Variants in ZBTB17 observed in about 807,000 individuals in gnomAD.
ZBTB17 encodes zinc finger and BTB domain containing 17, also known as zinc finger and BTB domain-containing protein 17.
Under a neutral mutation model 85.1 loss-of-function variants are expected in ZBTB17, and 24 were observed. The observed-to-expected ratio is 0.28, with a 90% CI of 0.20 to 0.40. The LOEUF (loss-of-function observed/expected upper bound fraction) is 0.40, where lower values mean the gene tolerates loss of function less well. ZBTB17 is among the 10% of genes least tolerant of loss of function. The pLI is 1.00. For missense variants in ZBTB17, 743 were observed against 1,105.1 expected, an observed-to-expected ratio of 0.67 and a Z score of 4.65; for synonymous variants, 464 against 460.2, an observed-to-expected ratio of 1.01 and a Z score of -0.11.
intron 12 of ZBTB17, 98 bp downstream of exon 12, chr1:15,943,301 C>G: frequency 6.3e-7 from 1 of 1,593,900 alleles, no homozygotes; most frequent in Non-Finnish European, 8.6e-7. Flanking sequence ...GGGGCGTGGG[C>G]AGCAGTCAGC....
At chr1:15,955,561 T>TA (rs1210260673) in intron 2 of ZBTB17, among the ~76,000 whole-genome samples, 3 of 152,200 alleles carry the variant, frequency 2.0e-5, no homozygotes, top group African/African-American at 4.8e-5. Context: ...GTTTGTATTA[T>TA]AAAAAAACAG....
chr1:15,961,563 T>C (rs928785154), intron 2 of ZBTB17, among the ~76,000 whole-genome samples: 10 of 152,240 alleles, frequency 6.6e-5, no homozygotes, highest in African/African-American at 2.2e-4. Context: ...AGTGCTGTCC[T>C]ACAGCAGAGT....
Position 15,952,672 on chromosome 1 carries a change from C to T in ZBTB17, c.-2-4175G>A, listed in dbSNP as rs938517291. Among the ~76,000 whole-genome samples, 2 of 152,332 alleles carry T rather than the reference C, an allele frequency of 1.3e-5. No homozygotes were observed. The highest frequency in any genetic ancestry group is 2.1e-4 in the South Asian group (1 of 4,822). ...CTGTGGCTCCTGGGAATCCAGTCAC[C>T]GAGCTGGAGGAAAGTCCAAGCTCCC... is the stretch of plus-strand genomic sequence containing the variant. On this transcript the variant is annotated intron_variant, in intron 2 of 15. Coordinates refer to ENST00000375743, the MANE Select transcript of ZBTB17 (RefSeq NM_003443.3). The surrounding 1 kb of genome is among the most constrained non-coding windows in gnomAD (Gnocchi z 4.3).
intron 2 of ZBTB17, among the ~76,000 whole-genome samples, chr1:15,955,512 C>T (rs1022461832): frequency 2.0e-5 from 3 of 152,352 alleles, no homozygotes; most frequent in African/African-American, 7.2e-5. Context: ...GCTATCTCTA[C>T]ACAGTCCCAC....
At chr1:15,942,306 T>G (rs202017813) in intron 15 of ZBTB17, 25 bp downstream of exon 15, 16 of 1,613,886 alleles carry the variant, frequency 9.9e-6, no homozygotes, top group Non-Finnish European at 1.2e-5. Flanking sequence ...TCTGCCCACA[T>G]TCACACCCGG....
intron 15 of ZBTB17, 29 bp downstream of exon 15, chr1:15,942,302 C>G: frequency 6.2e-7 from 1 of 1,613,874 alleles, no homozygotes; most frequent in African/African-American, 1.3e-5. Flanking sequence ...GGGCTCTGCC[C>G]ACATTCACAC....
In ZBTB17 at chr1:15,960,828, G is replaced by C. The variant is rs1197168803; in HGVS notation, c.-3+12211C>G. Among the ~76,000 whole-genome samples, 37 of 152,248 alleles carry C rather than the reference G, an allele frequency of 2.4e-4. 2 individuals carry two copies. Reference sequence around the variant, plus strand: ...TTCCATGTGTGCACAGGCTCTTCAAGTGTGACTGACTTTTTCTGGGTTTGT... The same window carrying C: ...TTCCATGTGTGCACAGGCTCTTCAACTGTGACTGACTTTTTCTGGGTTTGT... On this transcript the variant is annotated intron_variant, in intron 2 of 15. Transcript: ENST00000375743.
intron 2 of ZBTB17, among the ~76,000 whole-genome samples, chr1:15,961,070 C>T (rs2072241374): frequency 6.6e-6 from 1 of 151,612 alleles, no homozygotes; most frequent in Non-Finnish European, 1.5e-5. Flanking sequence ...GCAGTGATTG[C>T]ACCACTGCAC....
chr1:15,975,841 C>T, intron 1 of ZBTB17, 142 bp downstream of exon 1: 3 of 563,102 alleles, frequency 5.3e-6, no homozygotes, highest in South Asian at 2.0e-5. Flanking sequence ...AGCGGTGTCC[C>T]CTCAGCCCCG....
At chr1:15,945,961 C>G in intron 5 of ZBTB17, 121 bp from the exon 6 acceptor site, 2 of 1,556,084 alleles carry the variant, frequency 1.3e-6, no homozygotes, top group African/African-American at 1.3e-5. Context: ...CCCAGCACAC[C>G]CCTAGCCAAG....
chr1:15,960,974 C>A (rs371286346), intron 2 of ZBTB17, among the ~76,000 whole-genome samples: 1 of 151,288 alleles, frequency 6.6e-6, no homozygotes, highest in African/African-American at 2.4e-5. Flanking sequence ...ATTAGCCAGG[C>A]GTGCTGGTGC....
chr1:15,951,827 T>C lies in ZBTB17; in HGVS notation c.-2-3330A>G, dbSNP rs2071864873. On this transcript the variant is annotated intron_variant, in intron 2 of 15. Coordinates refer to ENST00000375743, the MANE Select transcript of ZBTB17 (RefSeq NM_003443.3). The surrounding 1 kb of genome is among the most constrained non-coding windows in gnomAD (Gnocchi z 4.1). ...AAGGGGTGTGCAGGTCCTAGGAACA[T>C]ATCCCCTCCTAAGTACGTGCTAGGA... 6.6e-6 allele frequency among the ~76,000 whole-genome samples: 1 copy of C among 152,040 alleles called. No individual in the cohort carries two copies. Among genetic ancestry groups the C allele is most frequent in the African/African-American group, 2.4e-5 (1 of 41,390 alleles).
At chr1:15,947,674 C>T (rs2071668546) in intron 3 of ZBTB17, among the ~76,000 whole-genome samples, 1 of 152,178 alleles carries the variant, frequency 6.6e-6, no homozygotes, top group African/African-American at 2.4e-5. Flanking sequence ...CTACACTTCA[C>T]CAGTGGAGGA....
chr1:15,949,028 C>G (rs1371827447), intron 2 of ZBTB17, among the ~76,000 whole-genome samples: 1 of 152,166 alleles, frequency 6.6e-6, no homozygotes, highest in East Asian at 1.9e-4. Context: ...GAACTCGGCC[C>G]CTCTCAGGCT....
intron 2 of ZBTB17, among the ~76,000 whole-genome samples, chr1:15,950,072 C>G (rs948806567): frequency 6.6e-6 from 1 of 152,228 alleles, no homozygotes; most frequent in Admixed American, 6.5e-5. Flanking sequence ...GGCTAGAGCC[C>G]TAAGTGTAAG....
rs1260461292 is a variant in ZBTB17 at position 15,964,552 on chromosome 1, T to C, written c.-3+8487A>G. Among the ~76,000 whole-genome samples the C allele has an allele frequency of 5.3e-5, 8 of 151,816 alleles. No individual in the cohort carries two copies. The highest frequency in any genetic ancestry group is 6.6e-5 in the Admixed American group (1 of 15,252). On this transcript the variant is annotated intron_variant, in intron 2 of 15. Coordinates refer to ENST00000375743, the MANE Select transcript of ZBTB17 (RefSeq NM_003443.3). The surrounding 1 kb of genome is among the most constrained non-coding windows in gnomAD (Gnocchi z 4.3). ...GGGCTACATGGTGAAACCCTGTCTC[T>C]ACAAAAAAGACAAAAATAGCTGAGC...
At chr1:15,970,636 C>A (rs1187829999) in intron 2 of ZBTB17, among the ~76,000 whole-genome samples, 1 of 152,132 alleles carries the variant, frequency 6.6e-6, no homozygotes, top group Non-Finnish European at 1.5e-5. Flanking sequence ...GCAACCTCCG[C>A]TTCCCAGGTT....
intron 2 of ZBTB17, among the ~76,000 whole-genome samples, chr1:15,959,016 G>GA (rs1408656873): frequency 6.6e-6 from 1 of 152,166 alleles, no homozygotes; most frequent in Admixed American, 6.5e-5. Flanking sequence ...CTTGGGATAG[G>GA]AAAAATGGGA....
chr1:15,954,902 C>A (rs1424480909), intron 2 of ZBTB17, among the ~76,000 whole-genome samples: 1 of 152,116 alleles, frequency 6.6e-6, no homozygotes, highest in Non-Finnish European at 1.5e-5. Context: ...CGCCTATAAT[C>A]CCAGCACTTT....
Sources: allele counts gnomAD v4.1 joint callset (sites outside exome capture counted in the v4.1 genomes callset), GRCh38; gene constraint gnomAD v4.1.1; non-coding constraint Gnocchi (gnomAD v3.1); transcripts MANE v1.5; gene names NCBI Gene and HGNC (gene_info 2026-07-23, HGNC 2026-07-21).